SCRT1: variants seen among roughly 807,000 people sequenced by gnomAD.
The protein encoded by SCRT1 is scratch family transcriptional repressor 1, also known as transcriptional repressor scratch 1.
SCRT1 carries 1 observed loss-of-function variant against 3.4 expected under a neutral mutation model. The observed-to-expected ratio is 0.29, with a 90% confidence interval of 0.10 to 1.39. SCRT1 has a LOEUF of 1.39. Ranked by LOEUF, SCRT1 falls within the 40% of genes most tolerant of loss-of-function variation. The pLI, the probability that SCRT1 is intolerant of heterozygous loss-of-function variation, is 0.42. For missense variants in SCRT1, 380 were observed against 526.3 expected, an observed-to-expected ratio of 0.72 and a Z score of 2.72; for synonymous variants, 238 against 247.0, an observed-to-expected ratio of 0.96 and a Z score of 0.34.
In SCRT1 at chr8:144,333,129, T is replaced by A; in HGVS notation, c.*56A>T. On this transcript the variant is annotated 3_prime_UTR_variant, in exon 2 of 2. Coordinates refer to ENST00000569446, the MANE Select transcript of SCRT1 (RefSeq NM_031309.6). ...CCTCCACCCGGACGCCAGCGAAGAC[T>A]TCCCTGGGGGGCCGTATTGCTGAGA... 1.4e-6 allele frequency: 2 copies of A among 1,385,454 alleles called. No homozygotes were observed. Among genetic ancestry groups the A allele is most frequent in the Non-Finnish European group, 1.9e-6 (2 of 1,055,022 alleles). The allele number at this position is 1,385,454 out of a possible 1,614,324, so 85.8% of individuals were successfully genotyped here. A position where few individuals can be genotyped will look rare whatever the true frequency, so the allele number is the denominator to read the frequency against.
Position 144,336,250 on chromosome 8 carries a change from C to G in SCRT1, c.-81G>C. The G allele has an allele frequency of 1.9e-6, 2 of 1,060,694 alleles. No homozygotes were observed. The highest frequency in any genetic ancestry group is 1.6e-5 in the South Asian group (1 of 62,002). 65.7% of individuals were successfully genotyped at this position (1,060,694 alleles called of 1,614,324 possible). A position where few individuals can be genotyped will look rare whatever the true frequency, so the allele number is the denominator to read the frequency against. On this transcript the variant is annotated 5_prime_UTR_variant, in exon 1 of 2. Coordinates refer to ENST00000569446, the MANE Select transcript of SCRT1 (RefSeq NM_031309.6). The surrounding 1 kb of genome is among the most constrained non-coding windows in gnomAD (Gnocchi z 6.8). The stretch of plus-strand genomic sequence containing the variant: ...GCGGCGGCAGGGCCCCGTCACCATC[C>G]GAGGAGCGGCGGAGGCAGCGCGGGT...
At position 144,332,491 on chromosome 8, in the gene SCRT1, A is replaced by G. The variant is rs1474716266; in HGVS notation, c.*694T>C. 6.6e-6 allele frequency: 1 copy of G among 152,474 alleles called. No individual in the cohort carries two copies. The highest frequency in any genetic ancestry group is 1.5e-5 in the Non-Finnish European group (1 of 68,036). The allele number at this position is 152,474 out of a possible 1,614,324, so 9.4% of individuals were successfully genotyped here. On this transcript the variant is annotated 3_prime_UTR_variant, in exon 2 of 2. Coordinates refer to ENST00000569446, the MANE Select transcript of SCRT1 (RefSeq NM_031309.6). ...TCGATATGTGTCATTATTATTCGAT[A>G]TGGAGGACAGAGCCCGGGAAGCTGG...
rs1817883025 is a variant in SCRT1 at position 144,335,989 on chromosome 8, C to T, written c.115+66G>A. The T allele has an allele frequency of 3.4e-6, 4 of 1,167,992 alleles. No homozygotes were observed. Among genetic ancestry groups the T allele is most frequent in the Non-Finnish European group, 4.8e-6 (4 of 840,250 alleles). The allele number at this position is 1,167,992 out of a possible 1,614,324, so 72.4% of individuals were successfully genotyped here. ...CCGGGCCCTGCCCTCCGCCCCCACA[C>T]TCTGGCCCTCCACCGCTTCCAGCAA... is the stretch of plus-strand genomic sequence containing the variant. On this transcript the variant is annotated intron_variant, in intron 1 of 1. Coordinates refer to ENST00000569446, the MANE Select transcript of SCRT1 (RefSeq NM_031309.6). This position sits in a 1 kb window ranked among gnomAD's most constrained non-coding sequence, Gnocchi z 7.7.
Position 144,333,161 on chromosome 8 carries a change from C to T in SCRT1, c.*24G>A. The T allele has an allele frequency of 6.8e-7, 1 of 1,477,564 alleles. No homozygotes were observed. The highest frequency in any genetic ancestry group is 8.9e-7 in the Non-Finnish European group (1 of 1,120,170). The allele number at this position is 1,477,564 out of a possible 1,614,324, so 91.5% of individuals were successfully genotyped here. The stretch of plus-strand genomic sequence containing the variant: ...GGGGGCCGTATTGCTGAGAGCCGAC[C>T]TGGCTGGGGGAGGCCCCGCCGCCCT... On this transcript the variant is annotated 3_prime_UTR_variant, in exon 2 of 2. Coordinates refer to ENST00000569446, the MANE Select transcript of SCRT1 (RefSeq NM_031309.6).
rs77437860 is a variant in SCRT1, at chr8:144,332,849, G to A, written c.*336C>T. 0.34 allele frequency: 83,085 copies of A among 247,816 alleles called. 14,969 individuals are homozygous for A. The highest frequency in any genetic ancestry group is 0.41 in the Middle Eastern group (334 of 806). 15.4% of individuals were successfully genotyped at this position (247,816 alleles called of 1,614,324 possible). A position where few individuals can be genotyped will look rare whatever the true frequency, so the allele number is the denominator to read the frequency against. ...TCCAGGGGCGCAGAGGCGGGAGAAG[G>A]AGGGCGCTCCCTACCTCACCTCACC... On this transcript the variant is annotated 3_prime_UTR_variant, in exon 2 of 2. Transcript: ENST00000569446.
intron 1 of SCRT1, among the ~76,000 whole-genome samples, chr8:144,334,425 G>T (rs1817855401): frequency 6.6e-6 from 1 of 152,132 alleles, no homozygotes; most frequent in East Asian, 1.9e-4. Flanking sequence ...CCCTTCCGCG[G>T]AGCCTCAAGG....
rs974505317 is a variant in SCRT1 at position 144,331,633 on chromosome 8, G to C, written c.*1552C>G. 1 of 152,216 alleles carries C rather than the reference G, an allele frequency of 6.6e-6. No homozygotes were observed. 9.4% of individuals were successfully genotyped at this position (152,216 alleles called of 1,614,324 possible). A position where few individuals can be genotyped will look rare whatever the true frequency, so the allele number is the denominator to read the frequency against. On this transcript the variant is annotated 3_prime_UTR_variant, in exon 2 of 2. Transcript: ENST00000569446. ...GTGAATGATTAATGCCTGAAGGAGG[G>C]GTCTTGGGGGCAACCACCCCACCCC...
In SCRT1 at chr8:144,336,200, T is replaced by C. The variant is rs373441885; in HGVS notation, c.-31A>G. On this transcript the variant is annotated 5_prime_UTR_variant, in exon 1 of 2. Coordinates refer to ENST00000569446, the MANE Select transcript of SCRT1 (RefSeq NM_031309.6). This position sits in a 1 kb window ranked among gnomAD's most constrained non-coding sequence, Gnocchi z 6.8. ...CTGCGGGGCTCCGGCGCTGTGGGCCTGCGGAGCCGGGGCTTGGGGGGGCTG... is the reference window on the plus strand; with the variant it reads ...CTGCGGGGCTCCGGCGCTGTGGGCCCGCGGAGCCGGGGCTTGGGGGGGCTG... 2.6e-5 allele frequency: 39 copies of C among 1,495,674 alleles called. No individual in the cohort carries two copies. In the African/African-American group the frequency reaches 4.8e-4, roughly 18 times the overall value. 92.7% of individuals were successfully genotyped at this position (1,495,674 alleles called of 1,614,324 possible).
Position 144,331,782 on chromosome 8 carries a change from G to A in SCRT1, c.*1403C>T, listed in dbSNP as rs1191238651. On this transcript the variant is annotated 3_prime_UTR_variant, in exon 2 of 2. Transcript: ENST00000569446. ...TAGGGGCCTATGGGGTGGGTAGGGC[G>A]AGGGGATACCTGATTCTCAGTAACT... 9 of 152,608 alleles carry A rather than the reference G, an allele frequency of 5.9e-5. No homozygotes were observed. Among genetic ancestry groups the A allele is most frequent in the Admixed American group, 4.6e-4 (7 of 15,288 alleles). 9.5% of individuals were successfully genotyped at this position (152,608 alleles called of 1,614,324 possible).
Position 144,333,881 on chromosome 8 carries a change from G to T in SCRT1, c.351C>A (p.Phe117Leu). The T allele has an allele frequency of 1.6e-6, 2 of 1,283,126 alleles. No individual in the cohort carries two copies. The highest frequency in any genetic ancestry group is 2.0e-6 in the Non-Finnish European group (2 of 1,015,568). 79.5% of individuals were successfully genotyped at this position (1,283,126 alleles called of 1,614,324 possible). A position where few individuals can be genotyped will look rare whatever the true frequency, so the allele number is the denominator to read the frequency against. Residue 117 changes from phenylalanine to leucine, a missense_variant, in exon 2 of 2, where the codon TTC becomes TTA. Transcript: ENST00000569446. Reference sequence around the variant, plus strand: ...GCCGCGAGCGCCCGTCGGTGATGAAGAAGGCGTCCGCCGCGTAGCCCTCGC... The same window carrying T: ...GCCGCGAGCGCCCGTCGGTGATGAATAAGGCGTCCGCCGCGTAGCCCTCGC... ...AVSEGYAADA[F>L]FITDGRSRRK... is the part of the protein sequence containing the mutation.
In SCRT1 at chr8:144,335,172, G is replaced by C. The variant is rs962349916; in HGVS notation, c.115+883C>G. Among the ~76,000 whole-genome samples the C allele has an allele frequency of 6.6e-6, 1 of 152,268 alleles. No individual in the cohort carries two copies. Among genetic ancestry groups the C allele is most frequent in the East Asian group, 1.9e-4 (1 of 5,184 alleles). ...CCGAACTCACCACCTCCTCACTCAC[G>C]CAGGGTCACACATGCAGTCACCCCG... On this transcript the variant is annotated intron_variant, in intron 1 of 1. Coordinates refer to ENST00000569446, the MANE Select transcript of SCRT1 (RefSeq NM_031309.6). This position sits in a 1 kb window ranked among gnomAD's most constrained non-coding sequence, Gnocchi z 7.7.
chr8:144,336,262 G>A lies in SCRT1; in HGVS notation c.-93C>T, dbSNP rs1214260842. The stretch of plus-strand genomic sequence containing the variant: ...CCCCGTCACCATCCGAGGAGCGGCG[G>A]AGGCAGCGCGGGTCCCCACTCTGGC... On this transcript the variant is annotated 5_prime_UTR_variant, in exon 1 of 2. Coordinates refer to ENST00000569446, the MANE Select transcript of SCRT1 (RefSeq NM_031309.6). This position sits in a 1 kb window ranked among gnomAD's most constrained non-coding sequence, Gnocchi z 6.8. The A allele has an allele frequency of 2.7e-5, 25 of 942,154 alleles. No individual in the cohort carries two copies. The highest frequency in any genetic ancestry group is 3.6e-5 in the Non-Finnish European group (23 of 639,116). The allele number at this position is 942,154 out of a possible 1,614,324, so 58.4% of individuals were successfully genotyped here.
Position 144,333,786 on chromosome 8 carries a change from G to GCGTCGC in SCRT1, c.440_445dup (p.Gly147_Asp148dup). ...CCCGCCCGCCCCGCCCCCGCCTCCG[G>GCGTCGC]CGTCGCCGTCGGGGGCCGCCGCCGA... On this transcript the variant is annotated inframe_insertion, in exon 2 of 2. Coordinates refer to ENST00000569446, the MANE Select transcript of SCRT1 (RefSeq NM_031309.6). 1 of 1,206,332 alleles carries GCGTCGC rather than the reference G, an allele frequency of 8.3e-7. No individual in the cohort carries two copies. The highest frequency in any genetic ancestry group is 1.0e-6 in the Non-Finnish European group (1 of 972,192). The allele number at this position is 1,206,332 out of a possible 1,614,324, so 74.7% of individuals were successfully genotyped here.
In SCRT1 at chr8:144,332,910, G is replaced by C. The variant is rs1368357014; in HGVS notation, c.*275C>G. The C allele has an allele frequency of 2.5e-6, 1 of 396,306 alleles. No individual in the cohort carries two copies. Among genetic ancestry groups the C allele is most frequent in the Non-Finnish European group, 4.5e-6 (1 of 223,304 alleles). 24.5% of individuals were successfully genotyped at this position (396,306 alleles called of 1,614,324 possible). ...GAGACCCAACTCGGAGATGAGGTTC[G>C]GTTCTAGGTCTCGTCGACCCTATTG... On this transcript the variant is annotated 3_prime_UTR_variant, in exon 2 of 2. Coordinates refer to ENST00000569446, the MANE Select transcript of SCRT1 (RefSeq NM_031309.6).
At position 144,331,850 on chromosome 8, in the gene SCRT1, C is replaced by G. The variant is rs1817765008; in HGVS notation, c.*1335G>C. The stretch of plus-strand genomic sequence containing the variant: ...TTCGCATGCAGTGCGCATTATTGCT[C>G]TATAGTCGGCTTCGGACTACCTAAG... On this transcript the variant is annotated 3_prime_UTR_variant, in exon 2 of 2. Coordinates refer to ENST00000569446, the MANE Select transcript of SCRT1 (RefSeq NM_031309.6). The G allele has an allele frequency of 6.6e-6, 1 of 152,524 alleles. No individual in the cohort carries two copies. The highest frequency in any genetic ancestry group is 2.4e-5 in the African/African-American group (1 of 41,414). The allele number at this position is 152,524 out of a possible 1,614,324, so 9.4% of individuals were successfully genotyped here. A position where few individuals can be genotyped will look rare whatever the true frequency, so the allele number is the denominator to read the frequency against.
intron 1 of SCRT1, 114 bp from the exon 2 acceptor site, chr8:144,334,230 G>A (rs889610697): frequency 2.5e-6 from 2 of 811,766 alleles, no homozygotes; most frequent in Admixed American, 5.2e-5. Flanking sequence ...GGGTCCGGGA[G>A]AGAGGCGAAC....
chr8:144,336,004 G>T lies in SCRT1; in HGVS notation c.115+51C>A. On this transcript the variant is annotated intron_variant, in intron 1 of 1. Coordinates refer to ENST00000569446, the MANE Select transcript of SCRT1 (RefSeq NM_031309.6). This position sits in a 1 kb window ranked among gnomAD's most constrained non-coding sequence, Gnocchi z 6.8. The stretch of plus-strand genomic sequence containing the variant: ...CGCCCCCACACTCTGGCCCTCCACC[G>T]CTTCCAGCAAAGCCCCAGGCCCCGC... 1.6e-6 allele frequency: 2 copies of T among 1,286,444 alleles called. No individual in the cohort carries two copies. Among genetic ancestry groups the T allele is most frequent in the Non-Finnish European group, 2.1e-6 (2 of 942,584 alleles). The allele number at this position is 1,286,444 out of a possible 1,614,324, so 79.7% of individuals were successfully genotyped here.
chr8:144,334,160 C>T (rs1242515803), intron 1 of SCRT1, 44 bp from the exon 2 acceptor site: 6 of 441,280 alleles, frequency 1.4e-5, no homozygotes, highest in Admixed American at 1.3e-4. Flanking sequence ...AATGGGGCGG[C>T]GGCAGGACAC....
At position 144,332,615 on chromosome 8, in the gene SCRT1, T is replaced by A. The variant is rs1817794856; in HGVS notation, c.*570A>T. 1 of 152,360 alleles carries A rather than the reference T, an allele frequency of 6.6e-6. No individual in the cohort carries two copies. The highest frequency in any genetic ancestry group is 6.5e-5 in the Admixed American group (1 of 15,270). The allele number at this position is 152,360 out of a possible 1,614,324, so 9.4% of individuals were successfully genotyped here. The stretch of plus-strand genomic sequence containing the variant: ...CAACCCGAGGGAGGGGGTGCCGCCG[T>A]CCGCCCCTCTCCCCGACCCACAACG... On this transcript the variant is annotated 3_prime_UTR_variant, in exon 2 of 2. Coordinates refer to ENST00000569446, the MANE Select transcript of SCRT1 (RefSeq NM_031309.6).
Sources: allele counts gnomAD v4.1 joint callset (sites outside exome capture counted in the v4.1 genomes callset), GRCh38; gene constraint gnomAD v4.1.1; non-coding constraint Gnocchi (gnomAD v3.1); transcripts MANE v1.5; gene names NCBI Gene and HGNC (gene_info 2026-07-23, HGNC 2026-07-21).